Variants in DNAI3 observed in about 807,000 individuals in gnomAD.
DNAI3 encodes dynein axonemal intermediate chain 3.
A neutral mutation model predicts 115.5 loss-of-function variants in DNAI3; 83 were observed. The observed-to-expected ratio is 0.72, with a 90% CI of 0.60 to 0.86. The LOEUF (loss-of-function observed/expected upper bound fraction) is 0.86, where lower values mean the gene tolerates loss of function less well. DNAI3 is among the 40% of genes least tolerant of loss of function. The pLI, the probability that DNAI3 is intolerant of heterozygous loss-of-function variation, is 0.00. For synonymous variants in DNAI3, 320 were observed against 347.0 expected, an observed-to-expected ratio of 0.92 and a Z score of 0.86; for missense variants, 1,004 against 1,075.8, an observed-to-expected ratio of 0.93 and a Z score of 0.93.
At chr1:85,087,434 C>CAAAAAAAAAAAAAAAAA (rs1162431713) in intron 7 of DNAI3, among the ~76,000 whole-genome samples, 23 of 46,654 alleles carry the variant, frequency 4.9e-4, no homozygotes, top group African/African-American at 8.6e-4. Flanking sequence ...GACTCCATCT[C>CAAAAAAAAAAAAAAAAA]AAAAAAAAAA....
At chr1:85,114,278 G>T (rs941878489) in intron 16 of DNAI3, among the ~76,000 whole-genome samples, 1 of 152,116 alleles carries the variant, frequency 6.6e-6, no homozygotes, top group Non-Finnish European at 1.5e-5. Flanking sequence ...CTCCCAAAGT[G>T]CTGGGATTAC....
chr1:85,077,033 G>A (rs1654478984), intron 3 of DNAI3, among the ~76,000 whole-genome samples: 2 of 152,160 alleles, frequency 1.3e-5, no homozygotes, highest in Non-Finnish European at 2.9e-5. Context: ...AGTAGTACAT[G>A]CACATTTCCT....
chr1:85,122,160 A>G (rs1557726287), intron 18 of DNAI3, among the ~76,000 whole-genome samples: 1 of 152,250 alleles, frequency 6.6e-6, no homozygotes, highest in Non-Finnish European at 1.5e-5. Context: ...TTTAAAAATA[A>G]AATACTGTTT....
intron 7 of DNAI3, among the ~76,000 whole-genome samples, chr1:85,089,708 A>G: frequency 6.6e-6 from 1 of 151,894 alleles, no homozygotes; most frequent in Non-Finnish European, 1.5e-5. Flanking sequence ...GTTTCTAGAC[A>G]TTGCCAAATG....
At chr1:85,094,147 A>G in intron 9 of DNAI3, 1 of 441,930 alleles carries the variant, frequency 2.3e-6, no homozygotes, top group South Asian at 2.5e-5. Context: ...CTTTTCTCAC[A>G]AAAAAGAAAC....
In DNAI3 at chr1:85,095,963, C is replaced by T. The variant is rs764654058; in HGVS notation, c.1206C>T (p.Cys402=). 2 of 1,613,974 alleles carry T rather than the reference C, an allele frequency of 1.2e-6. No individual in the cohort carries two copies. The highest frequency in any genetic ancestry group is 1.1e-5 in the South Asian group (1 of 91,082). ...TGGAGAGCCCAGATGACATCTTCTGCTTCAAGTTCTGTCCGAGTGATCCTA... is the reference window on the plus strand; with the variant it reads ...TGGAGAGCCCAGATGACATCTTCTGTTTCAAGTTCTGTCCGAGTGATCCTA... ...LMLESPDDIF[C]FKFCPSDPNI... is the part of the protein sequence containing the mutation. The change falls in exon 11 of 23, where the codon TGC becomes TGT. Residue 402 remains cysteine, a synonymous_variant. Transcript: ENST00000294664.
chr1:85,097,789 G>A, intron 12 of DNAI3, 134 bp downstream of exon 12: 1 of 774,108 alleles, frequency 1.3e-6, no homozygotes, highest in Non-Finnish European at 2.0e-6. Flanking sequence ...TATTTCCCAA[G>A]CCTTCACCTG....
intron 19 of DNAI3, among the ~76,000 whole-genome samples, chr1:85,125,875 C>A (rs972945139): frequency 1.3e-5 from 2 of 152,166 alleles, no homozygotes; most frequent in Non-Finnish European, 2.9e-5. Context: ...TCTATTCTTA[C>A]TTTTGAAAAC....
intron 19 of DNAI3, 36 bp downstream of exon 19, chr1:85,124,287 A>T (rs1477594663): frequency 2.5e-6 from 4 of 1,613,900 alleles, no homozygotes; most frequent in Non-Finnish European, 3.4e-6. Context: ...TGAGTGTGTG[A>T]TCTTTTGTTA....
chr1:85,116,578 T>C (rs1475227834), intron 16 of DNAI3, among the ~76,000 whole-genome samples: 1 of 152,236 alleles, frequency 6.6e-6, no homozygotes, highest in Non-Finnish European at 1.5e-5. Context: ...GGAACAGACA[T>C]TGAAATGTGA....
rs1236288914 is a variant in DNAI3, at chr1:85,095,985, C to G, written c.1228C>G (p.Pro410Ala). ...IFCFKFCPSD[P>A]NIIAGGCING... ...CTGCTTCAAGTTCTGTCCGAGTGAT[C>G]CTAATATCATTGCTGGAGGCTGTAT... The change falls in exon 11 of 23, where the codon CCT becomes GCT. Residue 410 changes from proline to alanine, a missense_variant. This residue lies in a region of DNAI3 where 550 missense variants were observed against 568.1 expected (regional missense o/e 0.97). Coordinates refer to ENST00000294664, the MANE Select transcript of DNAI3 (RefSeq NM_145172.5). 1.2e-6 allele frequency: 2 copies of G among 1,613,864 alleles called. No homozygotes were observed. Among genetic ancestry groups the G allele is most frequent in the Admixed American group, 1.7e-5 (1 of 60,000 alleles).
chr1:85,127,357 TTC>T (rs1217813438), intron 20 of DNAI3, among the ~76,000 whole-genome samples: 1 of 152,230 alleles, frequency 6.6e-6, no homozygotes, highest in Non-Finnish European at 1.5e-5. Context: ...TCCATTTTTT[TTC>T]TGTTTCGCCC....
chr1:85,122,218 A>G (rs1003493987), intron 18 of DNAI3, among the ~76,000 whole-genome samples: 10 of 152,200 alleles, frequency 6.6e-5, no homozygotes, highest in Non-Finnish European at 1.3e-4. Context: ...AATCTGAGTC[A>G]ATGTGAGATT....
chr1:85,082,386 C>T lies in DNAI3; in HGVS notation c.372C>T (p.Gly124=), dbSNP rs12043654. 4.3e-6 allele frequency: 7 copies of T among 1,612,394 alleles called. No homozygotes were observed. The highest frequency in any genetic ancestry group is 5.9e-6 in the Non-Finnish European group (7 of 1,178,626). Residue 124 remains glycine (G), a synonymous_variant, in exon 5 of 23, where the codon GGC becomes GGT. Transcript: ENST00000294664. ...LNFYLIATEE[G]KENYLNPPEV... is the part of the protein sequence containing the mutation. The stretch of plus-strand genomic sequence containing the variant: ...TTTATCTTATTGCAACTGAAGAGGG[C>T]AAAGAAAACTATTTAAATGTGAGCA...
At chr1:85,101,918 G>T (rs982307002) in intron 13 of DNAI3, among the ~76,000 whole-genome samples, 1 of 151,608 alleles carries the variant, frequency 6.6e-6, no homozygotes, top group African/African-American at 2.4e-5. Context: ...AATAATGAGA[G>T]GCCAGGCATG....
At chr1:85,066,315 T>TTC (rs1654095048) in intron 1 of DNAI3, among the ~76,000 whole-genome samples, 1 of 20,824 alleles carries the variant, frequency 4.8e-5, no homozygotes, top group Non-Finnish European at 1.0e-4. Flanking sequence ...TCTGCTACTC[T>TTC]TTTTTTTTTT....
At position 85,082,405 on chromosome 1, in the gene DNAI3, G is replaced by A. The variant is rs1189325062; in HGVS notation, c.390+1G>A. ...AGAGGGCAAAGAAAACTATTTAAAT[G>A]TGAGCAAACCCCAAGCCCTTGTAAT... On this transcript the variant is annotated splice_donor_variant, in intron 5 of 22. Transcript: ENST00000294664. LOFTEE classifies it high-confidence loss of function. The A allele has an allele frequency of 1.9e-6, 3 of 1,605,886 alleles. No homozygotes were observed. Among genetic ancestry groups the A allele is most frequent in the African/African-American group, 1.3e-5 (1 of 74,824 alleles).
At chr1:85,104,314 C>G (rs1655421452) in intron 13 of DNAI3, among the ~76,000 whole-genome samples, 1 of 151,960 alleles carries the variant, frequency 6.6e-6, no homozygotes, top group African/African-American at 2.4e-5. Context: ...TAGAGACAGG[C>G]TTTCACCGTG....
At chr1:85,123,159 T>G (rs1656036442) in intron 18 of DNAI3, among the ~76,000 whole-genome samples, 2 of 152,158 alleles carry the variant, frequency 1.3e-5, no homozygotes, top group Admixed American at 6.6e-5. Context: ...ATTTCTTGAT[T>G]ATCCCTTCTT....
Sources: allele counts gnomAD v4.1 joint callset (sites outside exome capture counted in the v4.1 genomes callset), GRCh38; gene constraint gnomAD v4.1.1; regional missense constraint gnomAD v4.1.1; transcripts MANE v1.5; gene names NCBI Gene and HGNC (gene_info 2026-07-23, HGNC 2026-07-21).